Variants in KDM7A observed in about 807,000 individuals in gnomAD.
The protein encoded by KDM7A is lysine-specific demethylase 7A.
Under a neutral mutation model 114.8 loss-of-function variants are expected in KDM7A, and 28 were observed. The ratio of observed to expected loss-of-function variants is 0.24; its 90% CI spans 0.18 to 0.33. KDM7A has a LOEUF of 0.33. Among genes scored for constraint, KDM7A ranks in the 10% least tolerant of loss-of-function variants. KDM7A has a pLI of 1.00. For missense variants in KDM7A, 942 were observed against 1,142.5 expected (o/e 0.82, Z 2.53); for synonymous variants, 423 against 397.8 (o/e 1.06, Z -0.75).
At chr7:140,168,066 T>C (rs1794597694) in intron 1 of KDM7A, among the ~76,000 whole-genome samples, 1 of 152,216 alleles carries the variant, frequency 6.6e-6, no homozygotes, top group Non-Finnish European at 1.5e-5. Context: ...GATACCATTT[T>C]CCATCTACTG....
chr7:140,155,133 GAAAC>G (rs941884386), intron 1 of KDM7A, among the ~76,000 whole-genome samples: 25 of 152,054 alleles, frequency 1.6e-4, no homozygotes, highest in African/African-American at 3.6e-4. Context: ...AACCTCAAAA[GAAAC>G]AAACAAATTG....
chr7:140,152,635 AAAG>A (rs1490744983), intron 1 of KDM7A, among the ~76,000 whole-genome samples: 2 of 152,292 alleles, frequency 1.3e-5, no homozygotes, highest in East Asian at 1.9e-4. Flanking sequence ...AAAAAAAAAA[AAAG>A]AAATCCAACA....
chr7:140,109,124 C>T (rs1252919005), intron 11 of KDM7A, among the ~76,000 whole-genome samples: 5 of 152,136 alleles, frequency 3.3e-5, no homozygotes, highest in African/African-American at 9.7e-5. Context: ...TGGAAAAGTG[C>T]AGTATTAAGG....
intron 17 of KDM7A, among the ~76,000 whole-genome samples, chr7:140,095,301 A>T (rs1472610162): frequency 6.6e-6 from 1 of 152,252 alleles, no homozygotes; most frequent in Non-Finnish European, 1.5e-5. Context: ...CAAGGGACTA[A>T]AGGAAGACAA....
At chr7:140,118,723 C>T (rs1818572083) in intron 9 of KDM7A, among the ~76,000 whole-genome samples, 1 of 151,886 alleles carries the variant, frequency 6.6e-6, no homozygotes, top group South Asian at 2.1e-4. Context: ...GCCTAGTTTG[C>T]TTTTTTAAAA....
rs746974253 is a variant in KDM7A at position 140,129,646 on chromosome 7, C to T, written c.406G>A (p.Glu136Lys). Residue 136 changes from glutamate to lysine, a missense_variant, in exon 4 of 20, where the codon GAA (glutamate) becomes AAA (lysine). Transcript: ENST00000397560. ...CTGCCATGCATCTTTATAATTATTT[C>T]ATCGGCACTAAGGAAAAACATAAGA... ...LRSRVFPSAD[E>K]IIIKMHGSQL... The T allele has an allele frequency of 1.2e-6, 2 of 1,602,816 alleles. No homozygotes were observed. The highest frequency in any genetic ancestry group is 1.7e-6 in the Non-Finnish European group (2 of 1,170,744).
At chr7:140,104,055 T>C (rs1258830472) in intron 11 of KDM7A, among the ~76,000 whole-genome samples, 1 of 152,244 alleles carries the variant, frequency 6.6e-6, no homozygotes, top group Non-Finnish European at 1.5e-5. Flanking sequence ...GTTTCTCTGA[T>C]GGCCAGTGAT....
At chr7:140,172,433 C>A (rs1423154521) in intron 1 of KDM7A, among the ~76,000 whole-genome samples, 11 of 152,054 alleles carry the variant, frequency 7.2e-5, no homozygotes, top group Non-Finnish European at 1.0e-4. Context: ...GAGGGTGGAT[C>A]ACGAGGTCAG....
chr7:140,116,751 A>C (rs905490642), intron 9 of KDM7A, among the ~76,000 whole-genome samples: 3 of 152,220 alleles, frequency 2.0e-5, no homozygotes, highest in Admixed American at 2.0e-4. Flanking sequence ...TTTTTTAATC[A>C]AATTGTGATA....
intron 1 of KDM7A, among the ~76,000 whole-genome samples, chr7:140,175,105 A>C (rs979352614): frequency 4.6e-5 from 7 of 152,240 alleles, no homozygotes; most frequent in Non-Finnish European, 1.0e-4. Context: ...TTGGATATAC[A>C]AGACTGCTAA....
At chr7:140,125,318 C>T (rs1343400277) in intron 6 of KDM7A, among the ~76,000 whole-genome samples, 1 of 152,210 alleles carries the variant, frequency 6.6e-6, no homozygotes, top group Non-Finnish European at 1.5e-5. Context: ...TGACTTTCTA[C>T]ATCAGTACTC....
At chr7:140,154,320 C>CA (rs752536419) in intron 1 of KDM7A, among the ~76,000 whole-genome samples, 9,119 of 132,542 alleles carry the variant, frequency 0.069, 345 homozygotes, top group Non-Finnish European at 0.098. Context: ...CCCGTCACTA[C>CA]AAAAAAAAAA....
At chr7:140,163,761 T>C (rs1794545232) in intron 1 of KDM7A, among the ~76,000 whole-genome samples, 1 of 152,156 alleles carries the variant, frequency 6.6e-6, no homozygotes, top group African/African-American at 2.4e-5. Flanking sequence ...ATAATGAGGA[T>C]GCTAATTAAT....
At chr7:140,097,126 T>C (rs778742672) in intron 15 of KDM7A, 79 bp from the exon 16 acceptor site, 68 of 1,021,844 alleles carry the variant, frequency 6.7e-5, no homozygotes, top group Non-Finnish European at 9.6e-5. Context: ...AAAGATTTTA[T>C]ACATCTAGAG....
intron 17 of KDM7A, among the ~76,000 whole-genome samples, chr7:140,095,935 T>C (rs1399036708): frequency 6.6e-6 from 1 of 152,062 alleles, no homozygotes; most frequent in Non-Finnish European, 1.5e-5. Flanking sequence ...GATGTCAAGC[T>C]CCTGGTATAC....
At chr7:140,100,961 C>T (rs1420043854) in intron 12 of KDM7A, among the ~76,000 whole-genome samples, 5 of 150,808 alleles carry the variant, frequency 3.3e-5, no homozygotes, top group South Asian at 2.1e-4. Context: ...GGGGTTTCAC[C>T]GTGGTCTCGA....
At chr7:140,171,913 C>T (rs1357523970) in intron 1 of KDM7A, among the ~76,000 whole-genome samples, 1 of 152,120 alleles carries the variant, frequency 6.6e-6, no homozygotes, top group African/African-American at 2.4e-5. Context: ...TATATCCAAT[C>T]TACTGTTGAT....
intron 18 of KDM7A, among the ~76,000 whole-genome samples, chr7:140,093,524 G>A (rs1818057224): frequency 1.3e-5 from 2 of 151,748 alleles, no homozygotes; most frequent in Non-Finnish European, 2.9e-5. Flanking sequence ...ATTTTCCAAG[G>A]TTTGCAAAAA....
intron 11 of KDM7A, among the ~76,000 whole-genome samples, chr7:140,110,889 T>A (rs1407295097): frequency 6.6e-6 from 1 of 152,214 alleles, no homozygotes; most frequent in Non-Finnish European, 1.5e-5. Context: ...CCTTATTACT[T>A]CATTAGAATT....
Sources: gnomAD v4.1 joint callset for allele counts (sites outside exome capture counted in the v4.1 genomes callset) on GRCh38, gnomAD v4.1.1 for gene constraint, MANE v1.5 for transcripts, NCBI Gene and HGNC (gene_info 2026-07-23, HGNC 2026-07-21) for gene names.